The following ZNF528 variants were observed in gnomAD, a reference collection of about 807,000 sequenced individuals.
ZNF528 encodes zinc finger protein 528.
A neutral mutation model predicts 13.3 loss-of-function variants in ZNF528; 9 were observed. The ratio of observed to expected loss-of-function variants is 0.67; its 90% CI spans 0.41 to 1.18. The LOEUF (loss-of-function observed/expected upper bound fraction) is 1.18. ZNF528 is among the 50% of genes most tolerant of loss of function. ZNF528 has a pLI of 0.01. For synonymous variants in ZNF528, 264 were observed against 254.3 expected (o/e 1.04, Z -0.36); for missense variants, 858 against 745.4 (o/e 1.15, Z -1.76).
chr19:52,414,288 C>G lies in ZNF528; in HGVS notation c.272-836C>G, dbSNP rs761426106. ...CACTTGTCCGACATCCTCGGAGTCCCTCTTCTGGGTCACCAGTTGCCACCT... is the reference window on the plus strand; with the variant it reads ...CACTTGTCCGACATCCTCGGAGTCCGTCTTCTGGGTCACCAGTTGCCACCT... On this transcript the variant is annotated intron_variant, in intron 6 of 6. Transcript: ENST00000360465. The G allele has an allele frequency of 3.7e-5, 26 of 702,420 alleles. No individual in the cohort carries two copies. In the African/African-American group the frequency reaches 3.8e-4, roughly 10 times the overall value. The allele number at this position is 702,420 out of a possible 1,614,324, so 43.5% of individuals were successfully genotyped here. A position where few individuals can be genotyped will look rare whatever the true frequency, so the allele number is the denominator to read the frequency against.
At chr19:52,406,447 C>T in intron 5 of ZNF528, 68 bp from the exon 6 acceptor site, 2 of 1,558,198 alleles carry the variant, frequency 1.3e-6, no homozygotes, top group Non-Finnish European at 1.7e-6. Flanking sequence ...ATCCTCTCTC[C>T]TCCCTAAATA....
At position 52,415,995 on chromosome 19, in the gene ZNF528, C is replaced by G. The variant is rs1320518740; in HGVS notation, c.1143C>G (p.Tyr381Ter). The G allele has an allele frequency of 6.2e-7, 1 of 1,614,100 alleles. No individual in the cohort carries two copies. The highest frequency in any genetic ancestry group is 8.5e-7 in the Non-Finnish European group (1 of 1,180,026). ...HQLIHTGRKP[Y>*]KCKECDKVFG... ...TAATTCACACTGGAAGGAAACCTTA[C>G]AAATGTAAAGAATGTGACAAGGTCT... is the stretch of plus-strand genomic sequence containing the variant. The change falls in exon 7 of 7, where the codon TAC becomes TAG. Residue 381 changes from tyrosine (Y) to a stop codon, truncating the protein, a stop_gained. Coordinates refer to ENST00000360465, the MANE Select transcript of ZNF528 (RefSeq NM_032423.3). LOFTEE classifies it low-confidence loss of function (END_TRUNC).
chr19:52,402,409 CT>C (rs1005929192), intron 4 of ZNF528: 11,118 of 220,224 alleles, frequency 0.05, no homozygotes, highest in South Asian at 0.086. Context: ...TTTCTTCTTT[CT>C]TTTTTTTTTT....
intron 6 of ZNF528, among the ~76,000 whole-genome samples, chr19:52,411,154 G>A (rs1289231971): frequency 6.6e-6 from 1 of 152,152 alleles, no homozygotes; most frequent in African/African-American, 2.4e-5. Context: ...TACGCAGTGG[G>A]AAACATATTT....
intron 6 of ZNF528, chr19:52,414,847 C>T: frequency 1.9e-6 from 2 of 1,028,564 alleles, no homozygotes; most frequent in South Asian, 1.4e-5. Context: ...AGAGGCTCAT[C>T]CCTGCTTCTT....
At chr19:52,408,080 A>G (rs2058881074) in intron 6 of ZNF528, 1 of 151,862 alleles carries the variant, frequency 6.6e-6, no homozygotes, top group Non-Finnish European at 1.5e-5. Flanking sequence ...CTGCTTAACA[A>G]CTCTGCTCTT....
In ZNF528 at chr19:52,415,246, T is replaced by C; in HGVS notation, c.394T>C (p.Cys132Arg). ...LFQAERKISGCKHFEKPVSDN... is the reference protein window; with the variant it reads ...LFQAERKISGRKHFEKPVSDN... ...TCAAGCTGAAAGGAAAATTTCTGGG[T>C]GTAAGCATTTTGAAAAACCCGTCAG... Residue 132 changes from cysteine to arginine, a missense_variant, in exon 7 of 7, where the codon TGT becomes CGT. Cys to Arg is a radical substitution (Grantham distance 180). Transcript: ENST00000360465. The C allele has an allele frequency of 6.2e-7, 1 of 1,614,120 alleles. No individual in the cohort carries two copies. Among genetic ancestry groups the C allele is most frequent in the East Asian group, 2.2e-5 (1 of 44,876 alleles).
intron 4 of ZNF528, 119 bp downstream of exon 4, chr19:52,402,147 C>G: frequency 2.1e-6 from 3 of 1,420,760 alleles, no homozygotes; most frequent in Middle Eastern, 1.8e-4. Context: ...TGCACTTACC[C>G]ATGGCTTCTT....
intron 6 of ZNF528, chr19:52,413,436 T>C (rs980038759): frequency 3.3e-5 from 5 of 152,202 alleles, no homozygotes; most frequent in African/African-American, 1.2e-4. Context: ...CTAAAGTGAA[T>C]GGGCTCTGTA....
rs1023737904 is a variant in ZNF528 at position 52,406,604 on chromosome 19, G to A, written c.232G>A (p.Asp78Asn). 3.7e-6 allele frequency: 6 copies of A among 1,613,916 alleles called. No individual in the cohort carries two copies. Among genetic ancestry groups the A allele is most frequent in the Admixed American group, 3.3e-5 (2 of 59,978 alleles). Reference protein sequence around the residue: ...TLQSEEKIANDPDGRECIKGV... With the variant: ...TLQSEEKIANNPDGRECIKGV... The stretch of plus-strand genomic sequence containing the variant: ...GCAGAGTGAAGAGAAAATAGCAAAC[G>A]ATCCAGACGGCAGGGAGTGCATCAA... Residue 78 changes from aspartate to asparagine, a missense_variant, in exon 6 of 7, where the codon GAT (aspartate) becomes AAT (asparagine). Asp to Asn is a conservative substitution (Grantham distance 23). Coordinates refer to ENST00000360465, the MANE Select transcript of ZNF528 (RefSeq NM_032423.3).
intron 2 of ZNF528, among the ~76,000 whole-genome samples, chr19:52,400,634 G>A (rs1258311492): frequency 6.6e-6 from 1 of 151,936 alleles, no homozygotes; most frequent in Non-Finnish European, 1.5e-5. Flanking sequence ...CAATCCTCCC[G>A]TCTTAGCCTC....
intron 6 of ZNF528, chr19:52,413,936 G>T: frequency 2.7e-6 from 1 of 370,024 alleles, no homozygotes; most frequent in South Asian, 3.3e-5. Context: ...GAAACCATGG[G>T]CCATGCATCA....
chr19:52,399,027 G>T (rs573260437), intron 2 of ZNF528, among the ~76,000 whole-genome samples: 1 of 152,192 alleles, frequency 6.6e-6, no homozygotes, highest in East Asian at 1.9e-4. Flanking sequence ...GCAGAAAGAG[G>T]AATAAGAGGT....
intron 6 of ZNF528, chr19:52,414,793 T>TATTA: frequency 2.1e-6 from 1 of 486,134 alleles, no homozygotes; most frequent in Non-Finnish European, 3.6e-6. Flanking sequence ...GAAGTACCAT[T>TATTA]ATTAATGTCT....
rs1161548779 is a variant in ZNF528, at chr19:52,417,096, G to C, written c.*357G>C. 1 of 239,298 alleles carries C rather than the reference G, an allele frequency of 4.2e-6. No individual in the cohort carries two copies. Among genetic ancestry groups the C allele is most frequent in the Non-Finnish European group, 8.2e-6 (1 of 121,924 alleles). The allele number at this position is 239,298 out of a possible 1,614,324, so 14.8% of individuals were successfully genotyped here. A position where few individuals can be genotyped will look rare whatever the true frequency, so the allele number is the denominator to read the frequency against. On this transcript the variant is annotated 3_prime_UTR_variant, in exon 7 of 7. Coordinates refer to ENST00000360465, the MANE Select transcript of ZNF528 (RefSeq NM_032423.3). Reference sequence around the variant, plus strand: ...ACCTGATGTATATCAAAGGTGCAACGGCTTGTAAATGACCAGTTTTATTCA... The same window carrying C: ...ACCTGATGTATATCAAAGGTGCAACCGCTTGTAAATGACCAGTTTTATTCA...
At chr19:52,403,620 A>G (rs1428357509) in intron 4 of ZNF528, among the ~76,000 whole-genome samples, 1 of 142,852 alleles carries the variant, frequency 7.0e-6, no homozygotes, top group East Asian at 2.1e-4. Context: ...AGATTGTGCT[A>G]CTGCACTCCA....
intron 6 of ZNF528, chr19:52,408,467 TTG>T (rs1375144364): frequency 2.6e-5 from 4 of 152,090 alleles, no homozygotes; most frequent in Admixed American, 6.6e-5. Context: ...CCTGGCCTGA[TTG>T]TGTCTTTTAA....
At chr19:52,410,599 C>T (rs111231903) in intron 6 of ZNF528, among the ~76,000 whole-genome samples, 2,641 of 152,252 alleles carry the variant, frequency 0.017, 85 homozygotes, top group African/African-American at 0.061. Context: ...CTCAGGCCAT[C>T]GGCTCCCTAC....
rs762326573 is a variant in ZNF528, at chr19:52,402,321, G to C, written c.15+293G>C. ...GCAGTGCTGCTGGGCAGCAGGGATT[G>C]TTCAGGGATCACATCTGGATGCACT... On this transcript the variant is annotated intron_variant, in intron 4 of 6. Transcript: ENST00000360465. The C allele has an allele frequency of 3.7e-4, 205 of 557,450 alleles. 2 individuals carry two copies. The highest frequency in any genetic ancestry group is 3.8e-5 in the Non-Finnish European group (12 of 312,632). The allele number at this position is 557,450 out of a possible 1,614,324, so 34.5% of individuals were successfully genotyped here.
Sources: allele counts gnomAD v4.1 joint callset (sites outside exome capture counted in the v4.1 genomes callset), GRCh38; gene constraint gnomAD v4.1.1; transcripts MANE v1.5; gene names NCBI Gene and HGNC (gene_info 2026-07-23, HGNC 2026-07-21).